CLSTN2: variants seen among roughly 807,000 people sequenced by gnomAD.
The protein encoded by CLSTN2 is calsyntenin 2, also known as calsyntenin-2.
CLSTN2 carries 48 observed loss-of-function variants against 101.2 expected under a neutral mutation model. The observed-to-expected ratio is 0.47, with a 90% CI of 0.38 to 0.60. The LOEUF (loss-of-function observed/expected upper bound fraction) is 0.60. CLSTN2 is among the 20% of genes least tolerant of loss of function. CLSTN2 has a pLI of 0.00. For missense variants in CLSTN2, 1,160 were observed against 1,238.2 expected, an observed-to-expected ratio of 0.94 and a Z score of 0.95; for synonymous variants, 481 against 463.6, an observed-to-expected ratio of 1.04 and a Z score of -0.48.
intron 1 of CLSTN2, among the ~76,000 whole-genome samples, chr3:140,048,962 C>G (rs926954413): frequency 6.6e-6 from 1 of 152,214 alleles, no homozygotes; most frequent in African/African-American, 2.4e-5. Context: ...AGCGGCACTG[C>G]TCTAGGTGGC....
chr3:140,243,356 T>C (rs1576481521), intron 2 of CLSTN2, among the ~76,000 whole-genome samples: 1 of 152,368 alleles, frequency 6.6e-6, no homozygotes. Flanking sequence ...GGGTAAATGA[T>C]AAGTCAGTAA....
chr3:140,182,059 G>T (rs1037984157), intron 2 of CLSTN2, among the ~76,000 whole-genome samples: 3 of 152,170 alleles, frequency 2.0e-5, no homozygotes, highest in African/African-American at 7.2e-5. Flanking sequence ...GGAGAAAGGT[G>T]CAGCTTGGGA....
Position 140,076,656 on chromosome 3 carries a change from T to TTTTTTTTTCGC in CLSTN2, c.110-99295_110-99294insTTTTTTTTCGC, listed in dbSNP as rs1560087712. Among the ~76,000 whole-genome samples, 2 of 125,452 alleles carry TTTTTTTTTCGC rather than the reference T, an allele frequency of 1.6e-5. 1 individual carries two copies. The highest frequency in any genetic ancestry group is 6.5e-5 in the African/African-American group (2 of 30,760). 82.3% of individuals were successfully genotyped at this position (125,452 alleles called of 152,430 possible). A position where few individuals can be genotyped will look rare whatever the true frequency, so the allele number is the denominator to read the frequency against. On this transcript the variant is annotated intron_variant, in intron 1 of 16. Coordinates refer to ENST00000458420, the MANE Select transcript of CLSTN2 (RefSeq NM_022131.3). ...TTTTTTTTTTTTTTTTTTTTTTTCC[T>TTTTTTTTTCGC]AGCCTTCGAGGCCCACCTTCTCTCT...
chr3:139,959,784 A>G (rs575969934), intron 1 of CLSTN2, among the ~76,000 whole-genome samples: 5 of 152,168 alleles, frequency 3.3e-5, no homozygotes, highest in Non-Finnish European at 7.4e-5. Context: ...ATGGCTTTAA[A>G]TACAACTTCT....
chr3:140,051,865 A>G (rs921157487), intron 1 of CLSTN2, among the ~76,000 whole-genome samples: 2 of 152,212 alleles, frequency 1.3e-5, no homozygotes, highest in Non-Finnish European at 2.9e-5. Flanking sequence ...AGGGGCTGGC[A>G]AAACAGATCA....
intron 1 of CLSTN2, among the ~76,000 whole-genome samples, chr3:140,037,166 C>T (rs913332488): frequency 9.2e-5 from 14 of 151,926 alleles, no homozygotes. Flanking sequence ...TGTAAAAAAA[C>T]TTTTGAGCCC....
intron 2 of CLSTN2, among the ~76,000 whole-genome samples, chr3:140,227,798 G>A (rs2086336415): frequency 6.6e-6 from 1 of 152,328 alleles, no homozygotes; most frequent in South Asian, 2.1e-4. Context: ...AGCTGCCAAG[G>A]CTTGGGGCTT....
intron 8 of CLSTN2, among the ~76,000 whole-genome samples, chr3:140,484,749 A>C (rs890162207): frequency 6.6e-6 from 1 of 152,184 alleles, no homozygotes; most frequent in African/African-American, 2.4e-5. Flanking sequence ...CAGTTGATCG[A>C]ATCGGCTACT....
chr3:140,456,924 C>G (rs1559874971), intron 6 of CLSTN2, among the ~76,000 whole-genome samples: 1 of 152,078 alleles, frequency 6.6e-6, no homozygotes, highest in Non-Finnish European at 1.5e-5. Context: ...GATGTCATCC[C>G]CCATCACCCC....
intron 2 of CLSTN2, among the ~76,000 whole-genome samples, chr3:140,393,914 A>G (rs998799167): frequency 2.0e-5 from 3 of 152,180 alleles, no homozygotes; most frequent in Admixed American, 2.0e-4. Flanking sequence ...TCCTTTTCCA[A>G]GTGTTTTCAT....
At chr3:140,510,819 A>T (rs777248039) in intron 8 of CLSTN2, among the ~76,000 whole-genome samples, 3 of 152,198 alleles carry the variant, frequency 2.0e-5, no homozygotes, top group Non-Finnish European at 4.4e-5. Flanking sequence ...CATAAAGTTG[A>T]TCTGGGTGCT....
intron 2 of CLSTN2, among the ~76,000 whole-genome samples, chr3:140,285,113 C>T (rs987110935): frequency 1.3e-5 from 2 of 151,992 alleles, no homozygotes; most frequent in African/African-American, 4.8e-5. Flanking sequence ...TTTGGAGGAG[C>T]CATGTGGAAC....
intron 2 of CLSTN2, among the ~76,000 whole-genome samples, chr3:140,373,089 T>A (rs929179626): frequency 2.0e-5 from 3 of 152,132 alleles, no homozygotes; most frequent in African/African-American, 7.2e-5. Flanking sequence ...AATAAATAAT[T>A]TTTAAAAAGC....
chr3:140,413,867 C>T (rs2088395235), intron 4 of CLSTN2, among the ~76,000 whole-genome samples: 1 of 152,032 alleles, frequency 6.6e-6, no homozygotes, highest in Non-Finnish European at 1.5e-5. Flanking sequence ...GATAAAAATT[C>T]TCAACAAATA....
At chr3:140,442,747 C>T (rs924817383) in intron 5 of CLSTN2, among the ~76,000 whole-genome samples, 6 of 152,132 alleles carry the variant, frequency 3.9e-5, no homozygotes, top group African/African-American at 4.8e-5. Context: ...TTCACACCCT[C>T]GCTAAACATC....
intron 1 of CLSTN2, among the ~76,000 whole-genome samples, chr3:140,110,641 C>T (rs899368875): frequency 6.6e-6 from 1 of 152,188 alleles, no homozygotes; most frequent in African/African-American, 2.4e-5. Flanking sequence ...GATCATTCCT[C>T]ATTATTTCTA....
Position 140,282,152 on chromosome 3 carries a change from A to G in CLSTN2, c.232+106079A>G, listed in dbSNP as rs1202601708. Among the ~76,000 whole-genome samples, 5 of 152,252 alleles carry G rather than the reference A, an allele frequency of 3.3e-5. No individual in the cohort carries two copies. In the East Asian group the frequency reaches 7.7e-4, roughly 24 times the overall value. ...CTATGTCTCTGCTTACACTGCTTACATGATGTTCTGCTCAGTCCATGAGCC... is the reference window on the plus strand; with the variant it reads ...CTATGTCTCTGCTTACACTGCTTACGTGATGTTCTGCTCAGTCCATGAGCC... On this transcript the variant is annotated intron_variant, in intron 2 of 16. Transcript: ENST00000458420.
chr3:140,548,681 A>AT lies in CLSTN2; in HGVS notation c.1674+2000_1674+2001insT, dbSNP rs1180348509. On this transcript the variant is annotated intron_variant, in intron 10 of 16. Transcript: ENST00000458420. ...CACAGTATTCACTAGAACTTCAACA[A>AT]AGCCAGTGTTATGAGTCCCAAACTG... is the stretch of plus-strand genomic sequence containing the variant. 2.6e-3 allele frequency among the ~76,000 whole-genome samples: 392 copies of AT among 152,362 alleles called. 3 individuals are homozygous for AT. Among genetic ancestry groups the AT allele is most frequent in the African/African-American group, 9.0e-3 (374 of 41,588 alleles).
chr3:139,951,963 A>G (rs771658665), intron 1 of CLSTN2, among the ~76,000 whole-genome samples: 32 of 152,170 alleles, frequency 2.1e-4, no homozygotes, highest in Non-Finnish European at 4.1e-4. Flanking sequence ...TAATCCCTAC[A>G]TGGCTCTTTC....
Sources: allele counts gnomAD v4.1 joint callset (sites outside exome capture counted in the v4.1 genomes callset), GRCh38; gene constraint gnomAD v4.1.1; transcripts MANE v1.5; gene names NCBI Gene and HGNC (gene_info 2026-07-23, HGNC 2026-07-21).